Variants in ZNF608 observed in about 807,000 individuals in gnomAD.
The protein encoded by ZNF608 is renal carcinoma antigen NY-REN-36.
In ZNF608, 12 loss-of-function variants were observed where a neutral mutation model predicts 109.0. The observed-to-expected ratio is 0.11, with a 90% confidence interval of 0.07 to 0.18. ZNF608 has a LOEUF of 0.18. Among genes scored for constraint, ZNF608 ranks in the 10% least tolerant of loss-of-function variants. The pLI is 1.00. For missense variants in ZNF608, 1,707 were observed against 1,879.3 expected (o/e 0.91, Z 1.70); for synonymous variants, 732 against 717.4 (o/e 1.02, Z -0.33).
intron 2 of ZNF608, among the ~76,000 whole-genome samples, chr5:124,706,952 A>C (rs931872722): frequency 2.0e-5 from 3 of 152,186 alleles, no homozygotes; most frequent in African/African-American, 7.2e-5. Context: ...GCAGGGAAGA[A>C]AAGGTTATTT....
chr5:124,711,534 A>G (rs1261154017), intron 2 of ZNF608, among the ~76,000 whole-genome samples: 1 of 152,220 alleles, frequency 6.6e-6, no homozygotes, highest in Non-Finnish European at 1.5e-5. Context: ...CCAAGGTGGC[A>G]TAAGGACCTA....
chr5:124,662,173 C>A (rs1321151824), intron 3 of ZNF608, among the ~76,000 whole-genome samples: 1 of 152,160 alleles, frequency 6.6e-6, no homozygotes, highest in African/African-American at 2.4e-5. Context: ...CTTAAATTGT[C>A]TTCTTCAATT....
intron 3 of ZNF608, among the ~76,000 whole-genome samples, chr5:124,700,475 G>A (rs1753007600): frequency 1.3e-5 from 2 of 152,200 alleles, no homozygotes; most frequent in South Asian, 4.1e-4. Context: ...TACGTCTCTG[G>A]CCATAGAAGA....
intron 2 of ZNF608, among the ~76,000 whole-genome samples, chr5:124,721,251 C>G (rs1482048309): frequency 2.0e-5 from 3 of 152,130 alleles, no homozygotes; most frequent in Non-Finnish European, 2.9e-5. Flanking sequence ...TGCCAACGAT[C>G]TCTACATGGA....
At chr5:124,664,978 A>G (rs1751416402) in intron 3 of ZNF608, among the ~76,000 whole-genome samples, 1 of 152,122 alleles carries the variant, frequency 6.6e-6, no homozygotes, top group Non-Finnish European at 1.5e-5. Flanking sequence ...GTTTGAGACC[A>G]GCCTGGTCAA....
intron 3 of ZNF608, among the ~76,000 whole-genome samples, chr5:124,697,759 T>C (rs1399344068): frequency 1.3e-5 from 2 of 152,128 alleles, no homozygotes; most frequent in African/African-American, 2.4e-5. Context: ...AAGAAACAAT[T>C]AAGTATTGAA....
intron 2 of ZNF608, among the ~76,000 whole-genome samples, chr5:124,736,841 T>C (rs62370812): frequency 0.059 from 8,951 of 152,264 alleles, 403 homozygotes; most frequent in African/African-American, 0.12. Context: ...TTGAGGCATA[T>C]AAAAGAGTCC....
At chr5:124,638,775 A>G (rs182263696) in intron 9 of ZNF608, 82 of 996,302 alleles carry the variant, frequency 8.2e-5, no homozygotes, top group Non-Finnish European at 1.2e-6. Flanking sequence ...CAAAGAACAA[A>G]CATTACCTTT....
At chr5:124,653,860 G>A (rs936343012) in intron 3 of ZNF608, among the ~76,000 whole-genome samples, 4 of 152,172 alleles carry the variant, frequency 2.6e-5, no homozygotes, top group South Asian at 2.1e-4. Flanking sequence ...TTCCAAGGGC[G>A]CAATAGCTAT....
chr5:124,659,570 C>T (rs1751159313), intron 3 of ZNF608, among the ~76,000 whole-genome samples: 1 of 152,110 alleles, frequency 6.6e-6, no homozygotes, highest in African/African-American at 2.4e-5. Flanking sequence ...GAGGGATAGG[C>T]AAGGAAAAGG....
At chr5:124,701,988 T>G (rs1753072150) in intron 2 of ZNF608, among the ~76,000 whole-genome samples, 1 of 152,198 alleles carries the variant, frequency 6.6e-6, no homozygotes, top group Admixed American at 6.5e-5. Flanking sequence ...TGAGTTTGAT[T>G]AAGGCTCAGT....
intron 3 of ZNF608, among the ~76,000 whole-genome samples, chr5:124,694,473 C>CA (rs1347719346): frequency 3.3e-5 from 5 of 151,864 alleles, no homozygotes; most frequent in African/African-American, 7.3e-5. Flanking sequence ...TTGCCTTTTC[C>CA]ATGTGAAAGT....
Position 124,648,813 on chromosome 5 carries a change from C to T in ZNF608, c.1571G>A (p.Arg524His). The change falls in exon 5 of 10, where the codon CGC (arginine) becomes CAC (histidine). Residue 524 changes from arginine to histidine, a missense_variant. Transcript: ENST00000513986. Reference protein sequence around the residue: ...SEDNKPGKRVRTNSRSTPTTP... With the variant: ...SEDNKPGKRVHTNSRSTPTTP... ...AGTGGGAGTGCTTCTGGAATTTGTG[C>T]GGACACGCTTTCCAGGCTTATTGTC... 6.2e-7 allele frequency: 1 copy of T among 1,614,170 alleles called. No homozygotes were observed. Among genetic ancestry groups the T allele is most frequent in the South Asian group, 1.1e-5 (1 of 91,086 alleles).
intron 3 of ZNF608, among the ~76,000 whole-genome samples, chr5:124,688,780 A>T (rs1469197498): frequency 6.6e-6 from 1 of 152,234 alleles, no homozygotes; most frequent in African/African-American, 2.4e-5. Context: ...AATTAAATTA[A>T]TCTTTGGTGT....
At chr5:124,720,221 C>T (rs1338173849) in intron 2 of ZNF608, among the ~76,000 whole-genome samples, 20 of 152,120 alleles carry the variant, frequency 1.3e-4, no homozygotes, top group Non-Finnish European at 7.4e-5. Flanking sequence ...TATTTGGGGG[C>T]AAGCGGGGTG....
chr5:124,712,349 C>T lies in ZNF608; in HGVS notation c.907-11080G>A, dbSNP rs554404946. Among the ~76,000 whole-genome samples, 30 of 152,160 alleles carry T rather than the reference C, an allele frequency of 2.0e-4. No individual in the cohort carries two copies. In the South Asian group the frequency reaches 5.0e-3, roughly 25 times the overall value. On this transcript the variant is annotated intron_variant, in intron 2 of 9. Transcript: ENST00000513986. ...GGGCAGAGGATCGCCTGTTGGGCAA[C>T]GTCTATCAGGCGAATGGACAGAATT...
intron 3 of ZNF608, among the ~76,000 whole-genome samples, chr5:124,694,136 C>A (rs1474470606): frequency 8.3e-6 from 1 of 119,916 alleles, no homozygotes; most frequent in Non-Finnish European, 1.7e-5. Flanking sequence ...CCACCACGCT[C>A]GGCTAATTTT....
rs370900771 is a variant in ZNF608 at position 124,714,337 on chromosome 5, CCCTCCTAGAAACTTGGAGTT to C, written c.907-13088_907-13069del. On this transcript the variant is annotated intron_variant, in intron 2 of 9. Transcript: ENST00000513986. ...TGTTGAGGACTAGAAATGAAACAAG[CCCTCCTAGAAACTTGGAGTT>C]CTTTCATCCAGAAGTCTAGTCATGG... Among the ~76,000 whole-genome samples, 111 of 152,250 alleles carry C rather than the reference CCCTCCTAGAAACTTGGAGTT, an allele frequency of 7.3e-4. 1 individual carries two copies. In the Middle Eastern group the frequency reaches 0.034, roughly 47 times the overall value.
chr5:124,692,134 A>C (rs2149838389), intron 3 of ZNF608, among the ~76,000 whole-genome samples: 1 of 152,348 alleles, frequency 6.6e-6, no homozygotes, highest in South Asian at 2.1e-4. Context: ...TGTGCAGATT[A>C]ATCTTACAAT....
Sources: gnomAD v4.1 joint callset for allele counts (sites outside exome capture counted in the v4.1 genomes callset) on GRCh38, gnomAD v4.1.1 for gene constraint, MANE v1.5 for transcripts, NCBI Gene and HGNC (gene_info 2026-07-23, HGNC 2026-07-21) for gene names.